CASS4: variants seen among roughly 807,000 people sequenced by gnomAD.
The protein encoded by CASS4 is cas scaffolding protein family member 4.
CASS4 carries 22 observed loss-of-function variants against 54.2 expected under a neutral mutation model. The ratio of observed to expected loss-of-function variants is 0.41; its 90% CI spans 0.29 to 0.58. The LOEUF (loss-of-function observed/expected upper bound fraction) is 0.58. Among genes scored for constraint, CASS4 ranks in the 20% least tolerant of loss-of-function variants. The pLI, the probability that CASS4 is intolerant of heterozygous loss-of-function variation, is 0.36. For missense variants in CASS4, 854 were observed against 986.7 expected (o/e 0.87, Z 1.80); for synonymous variants, 409 against 391.5 (o/e 1.04, Z -0.53).
chr20:56,448,060 T>C (rs1046269771), intron 3 of CASS4, among the ~76,000 whole-genome samples: 2 of 150,648 alleles, frequency 1.3e-5, no homozygotes, highest in African/African-American at 4.9e-5. Context: ...GAGAGTGGCG[T>C]GAACCCGGGA....
Position 56,437,298 on chromosome 20 carries a change from T to C in CASS4, c.171T>C (p.His57=), listed in dbSNP as rs1434695855. 2 of 1,614,100 alleles carry C rather than the reference T, an allele frequency of 1.2e-6. No homozygotes were observed. Among genetic ancestry groups the C allele is most frequent in the East Asian group, 2.2e-5 (1 of 44,878 alleles). Residue 57 remains histidine, a synonymous_variant, in exon 2 of 6, where the codon CAT becomes CAC. Transcript: ENST00000679887. The surrounding 1 kb of genome is among the most constrained non-coding windows in gnomAD (Gnocchi z 4.7). ...AGGGTTGGTGGAAGTGTTTGCTCCA[T>C]GGGAGGCAAGGCCTGGCCCCTGCCA... The part of the protein sequence containing the change: ...ESEGWWKCLL[H]GRQGLAPANR...
chr20:56,445,410 G>T (rs1394331822), intron 2 of CASS4, among the ~76,000 whole-genome samples: 2 of 152,110 alleles, frequency 1.3e-5, no homozygotes, highest in Non-Finnish European at 2.9e-5. Flanking sequence ...AGACCTTGTT[G>T]GTCCCTCCAC....
chr20:56,425,810 A>G (rs1208647863), intron 1 of CASS4, among the ~76,000 whole-genome samples: 2 of 152,074 alleles, frequency 1.3e-5, no homozygotes, highest in Admixed American at 6.5e-5. Context: ...CTAATCCCAA[A>G]CCTCTAACTC....
At chr20:56,413,795 C>G (rs1207974406) in intron 1 of CASS4, among the ~76,000 whole-genome samples, 1 of 150,820 alleles carries the variant, frequency 6.6e-6, no homozygotes, top group Non-Finnish European at 1.5e-5. Context: ...TTGTCCCCAA[C>G]TACTTACTTT....
intron 1 of CASS4, among the ~76,000 whole-genome samples, chr20:56,413,737 G>A (rs1158990174): frequency 6.8e-6 from 1 of 146,136 alleles, no homozygotes; most frequent in Admixed American, 6.9e-5. Flanking sequence ...ACCCATGACA[G>A]TCTCTCTTGT....
At chr20:56,457,107 T>C (rs1265828682) in intron 5 of CASS4, among the ~76,000 whole-genome samples, 1 of 152,224 alleles carries the variant, frequency 6.6e-6, no homozygotes, top group African/African-American at 2.4e-5. Context: ...ATTCTAATAA[T>C]GAAGGTGCTT....
intron 1 of CASS4, among the ~76,000 whole-genome samples, chr20:56,434,162 G>A (rs796737210): frequency 5.8e-4 from 89 of 152,292 alleles, no homozygotes; most frequent in African/African-American, 2.1e-3. Flanking sequence ...AACTTTGCTG[G>A]AGGGCAACGT....
intron 1 of CASS4, among the ~76,000 whole-genome samples, chr20:56,435,189 A>G (rs1980096692): frequency 6.6e-6 from 1 of 152,174 alleles, no homozygotes. Context: ...TCTGGTTAAG[A>G]TGGTATTTTT....
chr20:56,419,881 A>G (rs1404300042), intron 1 of CASS4, among the ~76,000 whole-genome samples: 7 of 152,148 alleles, frequency 4.6e-5, no homozygotes, highest in African/African-American at 1.7e-4. Context: ...CATCTCTACT[A>G]AAAACACAAA....
intron 5 of CASS4, 90 bp from the exon 6 acceptor site, chr20:56,458,250 G>T: frequency 7.7e-7 from 1 of 1,297,078 alleles, no homozygotes; most frequent in African/African-American, 1.5e-5. Context: ...AAAATAAAAA[G>T]TCTTGCAAAT....
intron 3 of CASS4, among the ~76,000 whole-genome samples, chr20:56,449,538 C>T (rs772578168): frequency 7.2e-5 from 11 of 151,868 alleles, no homozygotes. Context: ...TGCAGCACAC[C>T]AACATGGCAG....
At chr20:56,419,408 T>C (rs1458234765) in intron 1 of CASS4, among the ~76,000 whole-genome samples, 2 of 152,094 alleles carry the variant, frequency 1.3e-5, no homozygotes, top group African/African-American at 4.8e-5. Flanking sequence ...CTCTTGTTCC[T>C]GGGAAAGCAT....
At chr20:56,455,937 A>G (rs1981271236) in intron 5 of CASS4, among the ~76,000 whole-genome samples, 1 of 151,842 alleles carries the variant, frequency 6.6e-6, no homozygotes, top group African/African-American at 2.4e-5. Flanking sequence ...GTCTCAAGAA[A>G]ACAAACAAAC....
At chr20:56,435,327 G>A in intron 1 of CASS4, among the ~76,000 whole-genome samples, 1 of 152,070 alleles carries the variant, frequency 6.6e-6, no homozygotes, top group East Asian at 1.9e-4. Flanking sequence ...ATGAACAAAG[G>A]TTAATGAGTT....
At chr20:56,415,864 A>G (rs779558911) in intron 1 of CASS4, among the ~76,000 whole-genome samples, 2 of 152,214 alleles carry the variant, frequency 1.3e-5, no homozygotes, top group Admixed American at 6.5e-5. Context: ...ATTTTGTGTA[A>G]TATCCAGACT....
At chr20:56,451,693 C>T in intron 4 of CASS4, 126 bp from the exon 5 acceptor site, 1 of 705,076 alleles carries the variant, frequency 1.4e-6, no homozygotes, top group Non-Finnish European at 2.4e-6. Flanking sequence ...TCCTGAAGGA[C>T]CTTGAGTGGT....
intron 2 of CASS4, among the ~76,000 whole-genome samples, chr20:56,438,685 C>T (rs138711822): frequency 8.5e-5 from 13 of 152,186 alleles, no homozygotes; most frequent in African/African-American, 2.9e-4. Context: ...AGTGAAACTC[C>T]GTCTCTATTA....
Position 56,458,641 on chromosome 20 carries a change from A to G in CASS4, c.2255A>G (p.Lys752Arg), listed in dbSNP as rs145191360. 93 of 1,613,668 alleles carry G rather than the reference A, an allele frequency of 5.8e-5. No individual in the cohort carries two copies. The Middle Eastern group carries it at 1.0e-3, about 17-fold the overall frequency. Reference protein sequence around the residue: ...SLLKDVALATKNAVLTYPSPA... With the variant: ...SLLKDVALATRNAVLTYPSPA... ...CTCAAGGACGTAGCGCTGGCCACTA[A>G]GAATGCCGTGCTCACGTACCCCAGC... is the stretch of plus-strand genomic sequence containing the variant. Residue 752 changes from lysine (K) to arginine (R), a missense_variant, in exon 6 of 6, where the codon AAG becomes AGG. Coordinates refer to ENST00000679887, the MANE Select transcript of CASS4 (RefSeq NM_020356.4).
chr20:56,420,672 G>A (rs1281817753), intron 1 of CASS4, among the ~76,000 whole-genome samples: 8 of 151,628 alleles, frequency 5.3e-5, no homozygotes, highest in African/African-American at 1.9e-4. Context: ...TGAGATTACA[G>A]GAGTGAGCCA....
Sources: allele counts gnomAD v4.1 joint callset (sites outside exome capture counted in the v4.1 genomes callset), GRCh38; gene constraint gnomAD v4.1.1; non-coding constraint Gnocchi (gnomAD v3.1); transcripts MANE v1.5; gene names NCBI Gene and HGNC (gene_info 2026-07-23, HGNC 2026-07-21).